SAMD12: variants seen among roughly 807,000 people sequenced by gnomAD.
SAMD12 encodes the protein sterile alpha motif domain-containing protein 12.
In SAMD12, 9 loss-of-function variants were observed where a neutral mutation model predicts 15.0. That is an observed-to-expected ratio of 0.60 (90% CI 0.36 to 1.05). The LOEUF (loss-of-function observed/expected upper bound fraction) is 1.05. Ranked by LOEUF, SAMD12 falls within the 50% of genes least tolerant of loss-of-function variation. The pLI is 0.01. For synonymous variants in SAMD12, 86 were observed against 90.1 expected (o/e 0.96, Z 0.25); for missense variants, 230 against 234.2 (o/e 0.98, Z 0.12).
intron 4 of SAMD12, among the ~76,000 whole-genome samples, chr8:118,275,266 T>G (rs1586410072): frequency 6.6e-6 from 1 of 152,200 alleles, no homozygotes; most frequent in African/African-American, 2.4e-5. Flanking sequence ...TTTTCTAATT[T>G]TGTTTTCAGG....
At chr8:118,176,371 C>T in the SAMD12 span, among the ~76,000 whole-genome samples, 1 of 152,122 alleles carries the variant, frequency 6.6e-6, no homozygotes, top group Non-Finnish European at 1.5e-5. Context: ...TGTGTATGTT[C>T]ATCACAGCAC....
the SAMD12 span, among the ~76,000 whole-genome samples, chr8:118,168,242 A>G: frequency 6.6e-6 from 1 of 152,060 alleles, no homozygotes; most frequent in Non-Finnish European, 1.5e-5. Context: ...TTACCCTCTG[A>G]TGTTTGTTGG....
intron 2 of SAMD12, among the ~76,000 whole-genome samples, chr8:118,540,717 A>G (rs1338960028): frequency 6.6e-6 from 1 of 152,144 alleles, no homozygotes; most frequent in African/African-American, 2.4e-5. Context: ...AAAATGCCAC[A>G]TATGTTCTAG....
At chr8:118,315,887 CT>C (rs1440434826) in intron 4 of SAMD12, among the ~76,000 whole-genome samples, 2 of 152,246 alleles carry the variant, frequency 1.3e-5, no homozygotes, top group Non-Finnish European at 2.9e-5. Context: ...AGGTTTCCCC[CT>C]GAGAGCTGCA....
At chr8:118,548,880 G>A (rs768490909) in intron 2 of SAMD12, among the ~76,000 whole-genome samples, 5 of 152,210 alleles carry the variant, frequency 3.3e-5, no homozygotes, top group African/African-American at 4.8e-5. Context: ...ATTATATCCC[G>A]CACCTGGCTT....
At chr8:118,562,793 G>A (rs1456553108) in intron 2 of SAMD12, among the ~76,000 whole-genome samples, 1 of 152,158 alleles carries the variant, frequency 6.6e-6, no homozygotes, top group East Asian at 1.9e-4. Context: ...AAAGGAGAAA[G>A]CAAATTTCTT....
chr8:118,467,192 T>C (rs1823619343), intron 2 of SAMD12, among the ~76,000 whole-genome samples: 1 of 152,170 alleles, frequency 6.6e-6, no homozygotes, highest in Non-Finnish European at 1.5e-5. Flanking sequence ...CTGGACCCCC[T>C]TGGACCCTCA....
chr8:118,434,773 C>T (rs1433207058), intron 3 of SAMD12, among the ~76,000 whole-genome samples: 1 of 152,154 alleles, frequency 6.6e-6, no homozygotes, highest in African/African-American at 2.4e-5. Flanking sequence ...TATCCTAATG[C>T]CTTTCCAGTG....
chr8:118,609,313 A>T (rs554456829), intron 1 of SAMD12, among the ~76,000 whole-genome samples: 6 of 152,182 alleles, frequency 3.9e-5, no homozygotes, highest in Non-Finnish European at 5.9e-5. Context: ...TCTGTACCAC[A>T]CTGTTTACTG....
At chr8:118,178,477 G>GA in the SAMD12 span, among the ~76,000 whole-genome samples, 6 of 151,702 alleles carry the variant, frequency 4.0e-5, no homozygotes, top group East Asian at 1.2e-3. Flanking sequence ...AAAAAAAATT[G>GA]TTTTTTTTAG....
chr8:118,366,833 A>AAATAT (rs1245304480), intron 4 of SAMD12, among the ~76,000 whole-genome samples: 7,091 of 93,780 alleles, frequency 0.076, 536 homozygotes, highest in African/African-American at 0.16. Flanking sequence ...AAATAAAATA[A>AAATAT]AATAAAATAA....
chr8:118,393,172 C>T (rs946648269), intron 3 of SAMD12, among the ~76,000 whole-genome samples: 1 of 152,120 alleles, frequency 6.6e-6, no homozygotes, highest in Non-Finnish European at 1.5e-5. Context: ...AATAGAAGCT[C>T]ATGGAGACAA....
intron 3 of SAMD12, among the ~76,000 whole-genome samples, chr8:118,389,576 A>G (rs1250949273): frequency 6.6e-6 from 1 of 152,160 alleles, no homozygotes; most frequent in African/African-American, 2.4e-5. Flanking sequence ...TTAGCCAGGC[A>G]TGGTGGTATG....
intron 2 of SAMD12, among the ~76,000 whole-genome samples, chr8:118,539,458 T>C (rs145124533): frequency 6.6e-6 from 1 of 152,174 alleles, no homozygotes; most frequent in Non-Finnish European, 1.5e-5. Flanking sequence ...GAAAATCCTG[T>C]CTTGGTACAT....
chr8:118,527,760 G>C (rs1257313681), intron 2 of SAMD12, among the ~76,000 whole-genome samples: 2 of 152,034 alleles, frequency 1.3e-5, no homozygotes, highest in Non-Finnish European at 2.9e-5. Context: ...TTAATCTTGA[G>C]TTAATAAGAT....
intron 3 of SAMD12, among the ~76,000 whole-genome samples, chr8:118,405,515 G>A (rs199900253): frequency 2.8e-4 from 43 of 152,304 alleles, no homozygotes; most frequent in African/African-American, 9.4e-4. Flanking sequence ...CTTGGAAGAC[G>A]TCAACTGGAA....
chr8:118,495,143 G>A (rs1291694269), intron 2 of SAMD12, among the ~76,000 whole-genome samples: 1 of 152,224 alleles, frequency 6.6e-6, no homozygotes, highest in Non-Finnish European at 1.5e-5. Flanking sequence ...AGTGGAAGGT[G>A]TTAAAGAATG....
chr8:118,235,728 A>C (rs1291207110), intron 4 of SAMD12, among the ~76,000 whole-genome samples: 1 of 152,166 alleles, frequency 6.6e-6, no homozygotes, highest in Non-Finnish European at 1.5e-5. Context: ...AGAAACAAGG[A>C]CCACCATGAC....
downstream of SAMD12, among the ~76,000 whole-genome samples, chr8:118,376,958 A>G (rs1222106480): frequency 8.6e-6 from 1 of 116,944 alleles, no homozygotes; most frequent in East Asian, 2.0e-4. Flanking sequence ...AAAATATTTT[A>G]ACGCTAATCT....
Sources: gnomAD v4.1 joint callset for allele counts (sites outside exome capture counted in the v4.1 genomes callset) on GRCh38, gnomAD v4.1.1 for gene constraint, MANE v1.5 for transcripts, NCBI Gene and HGNC (gene_info 2026-07-23, HGNC 2026-07-21) for gene names.